KLHL32: variants seen among roughly 807,000 people sequenced by gnomAD.
KLHL32 encodes kelch like family member 32.
In KLHL32, 35 loss-of-function variants were observed where a neutral mutation model predicts 64.8. The observed-to-expected ratio is 0.54, with a 90% CI of 0.41 to 0.72. The LOEUF is 0.72. KLHL32 is among the 30% of genes least tolerant of loss of function. The pLI, the probability that KLHL32 is intolerant of heterozygous loss-of-function variation, is 0.00. For missense variants in KLHL32, 589 were observed against 768.5 expected (o/e 0.77, Z 2.76); for synonymous variants, 259 against 281.0 (o/e 0.92, Z 0.78).
chr6:97,012,087 C>G (rs1245929460), intron 3 of KLHL32, among the ~76,000 whole-genome samples: 1 of 152,204 alleles, frequency 6.6e-6, no homozygotes, highest in African/African-American at 2.4e-5. Context: ...TCCAAACCCC[C>G]TCCATTTTCC....
intron 6 of KLHL32, among the ~76,000 whole-genome samples, chr6:97,110,556 C>T (rs187247690): frequency 1.3e-5 from 2 of 152,234 alleles, no homozygotes; most frequent in East Asian, 1.9e-4. Context: ...TTCTTTTCAC[C>T]GGGTTGAAAA....
rs953674283 is a variant in KLHL32, at chr6:97,108,660, G to A, written c.628-5123G>A. 5.9e-5 allele frequency among the ~76,000 whole-genome samples: 9 copies of A among 152,204 alleles called. No homozygotes were observed. The South Asian group carries it at 6.2e-4, about 11-fold the overall frequency. Reference sequence around the variant, plus strand: ...GTTTCTCCTTTAGATTCTTATGAACGTAAAAACAGAGCACAGTAACACTTT... The same window carrying A: ...GTTTCTCCTTTAGATTCTTATGAACATAAAAACAGAGCACAGTAACACTTT... On this transcript the variant is annotated intron_variant, in intron 6 of 10. Transcript: ENST00000369261.
chr6:97,006,121 T>A (rs1256554899), intron 3 of KLHL32, among the ~76,000 whole-genome samples: 1 of 152,130 alleles, frequency 6.6e-6, no homozygotes, highest in Non-Finnish European at 1.5e-5. Flanking sequence ...AAGCCTCTCA[T>A]TATTATTGTT....
intron 3 of KLHL32, among the ~76,000 whole-genome samples, chr6:97,029,484 T>C (rs1372991523): frequency 6.7e-6 from 1 of 149,502 alleles, no homozygotes; most frequent in Non-Finnish European, 1.5e-5. Flanking sequence ...GTAATATAAT[T>C]TTACTGTTTT....
At chr6:97,094,310 A>G (rs1794667463) in intron 6 of KLHL32, among the ~76,000 whole-genome samples, 2 of 152,122 alleles carry the variant, frequency 1.3e-5, no homozygotes, top group African/African-American at 4.8e-5. Context: ...AGGCTCTAGA[A>G]TTATTTACAT....
At chr6:97,130,995 G>A (rs1213888381) in intron 9 of KLHL32, 46 bp downstream of exon 9, 2 of 1,555,030 alleles carry the variant, frequency 1.3e-6, no homozygotes, top group Non-Finnish European at 1.8e-6. Context: ...GATTCAAGAA[G>A]TCACCAAACT....
intron 5 of KLHL32, among the ~76,000 whole-genome samples, chr6:97,067,589 T>C (rs528516947): frequency 6.6e-6 from 1 of 152,214 alleles, no homozygotes; most frequent in African/African-American, 2.4e-5. Context: ...GAACCACATA[T>C]ATTGAGGGCC....
At chr6:96,960,398 C>A (rs543861279) in intron 1 of KLHL32, among the ~76,000 whole-genome samples, 5 of 152,148 alleles carry the variant, frequency 3.3e-5, no homozygotes, top group Non-Finnish European at 7.3e-5. Context: ...ATCCTAAGAT[C>A]GTATGTAAGG....
intron 3 of KLHL32, among the ~76,000 whole-genome samples, chr6:97,031,340 CATT>C (rs1783510627): frequency 7.0e-6 from 1 of 142,150 alleles, no homozygotes; most frequent in South Asian, 2.2e-4. Context: ...AAGTTTTTAA[CATT>C]TTTTTTTTTT....
intron 6 of KLHL32, among the ~76,000 whole-genome samples, chr6:97,105,730 T>A (rs1425455300): frequency 6.6e-6 from 1 of 151,782 alleles, no homozygotes; most frequent in African/African-American, 2.4e-5. Context: ...GATAAGAACA[T>A]CCTTTCAGTG....
chr6:96,902,897 T>C, the KLHL32 span, among the ~76,000 whole-genome samples: 1 of 152,166 alleles, frequency 6.6e-6, no homozygotes. Flanking sequence ...CAAATGATCA[T>C]AGGTGTGTGG....
intron 7 of KLHL32, among the ~76,000 whole-genome samples, chr6:97,118,894 C>CAA (rs2128214542): frequency 6.6e-6 from 1 of 152,198 alleles, no homozygotes; most frequent in Admixed American, 6.5e-5. Context: ...TTCCAAGGTA[C>CAA]AAAAGTAGTG....
the KLHL32 span, among the ~76,000 whole-genome samples, chr6:96,912,974 A>G: frequency 2.3e-4 from 35 of 152,182 alleles, no homozygotes; most frequent in African/African-American, 8.2e-4. Flanking sequence ...TCCTAGGAGA[A>G]GCTCGCAATT....
In KLHL32 at chr6:96,952,639, A is replaced by G. The variant is rs568389981; in HGVS notation, c.-65-14357A>G. On this transcript the variant is annotated intron_variant, in intron 1 of 10. Coordinates refer to ENST00000369261, the MANE Select transcript of KLHL32 (RefSeq NM_052904.4). Reference sequence around the variant, plus strand: ...TTTGTAAGACTAATGAAAGGCCACAAGATTAGGATTGTGAGAGGGGCCTGA... The same window carrying G: ...TTTGTAAGACTAATGAAAGGCCACAGGATTAGGATTGTGAGAGGGGCCTGA... 9.8e-5 allele frequency among the ~76,000 whole-genome samples: 15 copies of G among 152,302 alleles called. No individual in the cohort carries two copies. The South Asian group carries it at 3.1e-3, about 32-fold the overall frequency.
rs774434485 is a variant in KLHL32, at chr6:97,039,872, C to T, written c.205-1620C>T. Among the ~76,000 whole-genome samples, 186 of 151,486 alleles carry T rather than the reference C, an allele frequency of 1.2e-3. 2 individuals are homozygous for T. The highest frequency in any genetic ancestry group is 8.3e-4 in the Non-Finnish European group (56 of 67,870). Reference sequence around the variant, plus strand: ...AACAAAGAAAGAAAAGAAAATCGCTCGAAGAGAATAATTTGAATGTTTTAA... The same window carrying T: ...AACAAAGAAAGAAAAGAAAATCGCTTGAAGAGAATAATTTGAATGTTTTAA... On this transcript the variant is annotated intron_variant, in intron 3 of 10. Transcript: ENST00000369261.
the KLHL32 span, among the ~76,000 whole-genome samples, chr6:96,902,880 C>A: frequency 1.3e-5 from 2 of 152,128 alleles, no homozygotes; most frequent in African/African-American, 4.8e-5. Context: ...TCAGGTTTGT[C>A]AAAGATCAAA....
At chr6:97,111,040 G>T (rs942740570) in intron 6 of KLHL32, among the ~76,000 whole-genome samples, 68 of 152,170 alleles carry the variant, frequency 4.5e-4, no homozygotes, top group Admixed American at 2.2e-3. Flanking sequence ...TGGGGGGGGG[G>T]GGTCTTAGCC....
At chr6:97,081,111 C>T (rs1792432591) in intron 5 of KLHL32, among the ~76,000 whole-genome samples, 1 of 152,106 alleles carries the variant, frequency 6.6e-6, no homozygotes. Flanking sequence ...AGGGCACAGA[C>T]CACACCTCCA....
At chr6:97,100,965 G>GTTTTTT (rs1562337104) in intron 6 of KLHL32, among the ~76,000 whole-genome samples, 5 of 43,274 alleles carry the variant, frequency 1.2e-4, no homozygotes, top group Middle Eastern at 0.015. Context: ...CTGCAGCCAA[G>GTTTTTT]CTTTTTTTTT....
Sources: gnomAD v4.1 joint callset for allele counts (sites outside exome capture counted in the v4.1 genomes callset) on GRCh38, gnomAD v4.1.1 for gene constraint, MANE v1.5 for transcripts, NCBI Gene and HGNC (gene_info 2026-07-23, HGNC 2026-07-21) for gene names.